The following LTBP3 variants were observed in gnomAD, a reference collection of about 807,000 sequenced individuals.
LTBP3 encodes the protein latent transforming growth factor beta binding protein 3, also known as latent-transforming growth factor beta-binding protein 3.
In LTBP3, 97 loss-of-function variants were observed where a neutral mutation model predicts 159.7. That is an observed-to-expected ratio of 0.61 (90% confidence interval 0.52 to 0.72). LTBP3 has a LOEUF of 0.72. Among genes scored for constraint, LTBP3 ranks in the 30% least tolerant of loss-of-function variants. The probability of loss-of-function intolerance (pLI) is 0.00; values close to 1 mark genes in which losing one functional copy is unlikely to be tolerated. For synonymous variants in LTBP3, 824 were observed against 777.1 expected (o/e 1.06, Z -1.00); for missense variants, 1,584 against 1,864.3 (o/e 0.85, Z 2.77).
chr11:65,558,239 G>C lies in LTBP3; in HGVS notation c.-280C>G. The C allele has an allele frequency of 9.6e-7, 1 of 1,041,694 alleles. No homozygotes were observed. Among genetic ancestry groups the C allele is most frequent in the Non-Finnish European group, 1.2e-6 (1 of 863,088 alleles). 64.5% of individuals were successfully genotyped at this position (1,041,694 alleles called of 1,614,324 possible). On this transcript the variant is annotated 5_prime_UTR_variant, in exon 1 of 28. Transcript: ENST00000301873. Reference sequence around the variant, plus strand: ...GGAGGCCGGAGCAAGTTGAGGCGGAGAGGAGGAGCGAGGGAGAGGAAGGCC... The same window carrying C: ...GGAGGCCGGAGCAAGTTGAGGCGGACAGGAGGAGCGAGGGAGAGGAAGGCC...
In LTBP3 at chr11:65,552,663, T is replaced by C. The variant is rs537563379; in HGVS notation, c.1186+197A>G. 6.6e-6 allele frequency among the ~76,000 whole-genome samples: 1 copy of C among 152,268 alleles called. No individual in the cohort carries two copies. Among genetic ancestry groups the C allele is most frequent in the East Asian group, 1.9e-4 (1 of 5,186 alleles). ...TATGTTCTGCATGACTCTGACTCTATGTAATCCCTGACCCCATGTGACTGC... is the reference window on the plus strand; with the variant it reads ...TATGTTCTGCATGACTCTGACTCTACGTAATCCCTGACCCCATGTGACTGC... On this transcript the variant is annotated intron_variant, in intron 6 of 27. Coordinates refer to ENST00000301873, the MANE Select transcript of LTBP3 (RefSeq NM_001130144.3). This position sits in a 1 kb window ranked among gnomAD's most constrained non-coding sequence, Gnocchi z 6.0.
Position 65,547,582 on chromosome 11 carries a change from G to A in LTBP3, c.1979-15C>T, listed in dbSNP as rs762347594. 2 of 1,613,282 alleles carry A rather than the reference G, an allele frequency of 1.2e-6. No individual in the cohort carries two copies. The highest frequency in any genetic ancestry group is 1.3e-5 in the African/African-American group (1 of 74,934). ...TTCGTTCAGGTCTGTGCGGGAGGAA[G>A]GGGCCACGAAGGGGGTGTAGGAGGC... On this transcript the variant is annotated splice_polypyrimidine_tract_variant and intron_variant, in intron 13 of 27. Coordinates refer to ENST00000301873, the MANE Select transcript of LTBP3 (RefSeq NM_001130144.3). The surrounding 1 kb of genome is among the most constrained non-coding windows in gnomAD (Gnocchi z 4.6).
chr11:65,546,671 C>T lies in LTBP3; in HGVS notation c.2231-107G>A. The T allele has an allele frequency of 6.4e-7, 1 of 1,555,354 alleles. No individual in the cohort carries two copies. Among genetic ancestry groups the T allele is most frequent in the Non-Finnish European group, 8.7e-7 (1 of 1,155,578 alleles). ...TGGAACGCGGGGTTGAGAGGGCAGC[C>T]TCTACTCCCGGAAGGCCCCGCCCCC... On this transcript the variant is annotated intron_variant, in intron 15 of 27. Coordinates refer to ENST00000301873, the MANE Select transcript of LTBP3 (RefSeq NM_001130144.3). The surrounding 1 kb of genome is among the most constrained non-coding windows in gnomAD (Gnocchi z 4.0).
At position 65,539,879 on chromosome 11, in the gene LTBP3, G is replaced by A; in HGVS notation, c.3388C>T (p.Arg1130Cys). The change falls in exon 25 of 28, where the codon CGT becomes TGT. Residue 1130 changes from arginine (R) to cysteine (C), a missense_variant and splice_region_variant. Arg to Cys is a radical substitution (Grantham distance 180). Around this residue, in one of 6 missense-constraint regions of LTBP3, gnomAD observed 514 missense variants for 530.3 expected, o/e 0.97. Transcript: ENST00000301873. ...DCQLPESPAE[R>C]APERRDVCWS... ...CACACGTCGCGCCGCTCCGGGGCAC[G>A]CTCTGCGGAAGACACCTGGCATCAG... 2.0e-6 allele frequency: 3 copies of A among 1,512,292 alleles called. No individual in the cohort carries two copies. The highest frequency in any genetic ancestry group is 2.1e-5 in the Admixed American group (1 of 48,000). 93.7% of individuals were successfully genotyped at this position (1,512,292 alleles called of 1,614,324 possible). A position where few individuals can be genotyped will look rare whatever the true frequency, so the allele number is the denominator to read the frequency against.
At position 65,540,400 on chromosome 11, in the gene LTBP3, G is replaced by A. The variant is rs1304258715; in HGVS notation, c.3107-18C>T. The stretch of plus-strand genomic sequence containing the variant: ...GTCCACGTCTGCAGGGAGGAAAAGC[G>A]TGGGTAGCAGGGGCAGGCCCGGGAT... On this transcript the variant is annotated intron_variant, in intron 22 of 27. Coordinates refer to ENST00000301873, the MANE Select transcript of LTBP3 (RefSeq NM_001130144.3). The A allele has an allele frequency of 1.2e-6, 2 of 1,604,556 alleles. No homozygotes were observed. Among genetic ancestry groups the A allele is most frequent in the East Asian group, 2.2e-5 (1 of 44,536 alleles).
At position 65,557,909 on chromosome 11, in the gene LTBP3, C is replaced by T. The variant is rs1856868087; in HGVS notation, c.51G>A (p.Gly17=). ...GCGCCAGCAGCCCCGCCGCCCCCGC[C>T]CCGCGCATCTCAGGGGCCAGGCCGC... ...AAGGLAPEMR[G]AGAAGLLALL... The change falls in exon 1 of 28, where the codon GGG becomes GGA. Residue 17 remains glycine (G), a synonymous_variant. Coordinates refer to ENST00000301873, the MANE Select transcript of LTBP3 (RefSeq NM_001130144.3). The T allele has an allele frequency of 3.2e-6, 4 of 1,268,426 alleles. No homozygotes were observed. The highest frequency in any genetic ancestry group is 5.8e-5 in the Admixed American group (2 of 34,696). The allele number at this position is 1,268,426 out of a possible 1,614,324, so 78.6% of individuals were successfully genotyped here. A position where few individuals can be genotyped will look rare whatever the true frequency, so the allele number is the denominator to read the frequency against.
Position 65,552,946 on chromosome 11 carries a change from T to C in LTBP3, c.1100A>G (p.His367Arg), listed in dbSNP as rs142692132. 60 of 1,614,202 alleles carry C rather than the reference T, an allele frequency of 3.7e-5. No individual in the cohort carries two copies. The African/African-American group carries it at 5.5e-4, about 15-fold the overall frequency. Residue 367 changes from histidine to arginine, a missense_variant, in exon 6 of 28, where the codon CAT becomes CGT. Around this residue, in one of 6 missense-constraint regions of LTBP3, gnomAD observed 156 missense variants for 259.7 expected, o/e 0.60. Coordinates refer to ENST00000301873, the MANE Select transcript of LTBP3 (RefSeq NM_001130144.3). The surrounding 1 kb of genome is among the most constrained non-coding windows in gnomAD (Gnocchi z 6.0). ...NECAMPGVCR[H>R]GDCLNNPGSY... ...GCCAGGGTTGTTGAGGCAGTCACCATGGCGACACACGCCCGGCATTGCGCA... is the reference window on the plus strand; with the variant it reads ...GCCAGGGTTGTTGAGGCAGTCACCACGGCGACACACGCCCGGCATTGCGCA...
chr11:65,547,861 G>C lies in LTBP3; in HGVS notation c.1847-40C>G, dbSNP rs372515652. 2 of 1,613,034 alleles carry C rather than the reference G, an allele frequency of 1.2e-6. No homozygotes were observed. The highest frequency in any genetic ancestry group is 1.7e-6 in the Non-Finnish European group (2 of 1,179,942). On this transcript the variant is annotated intron_variant, in intron 12 of 27. Coordinates refer to ENST00000301873, the MANE Select transcript of LTBP3 (RefSeq NM_001130144.3). The surrounding 1 kb of genome is among the most constrained non-coding windows in gnomAD (Gnocchi z 4.6). ...TAGGCCAAGAAAAGTCAAAGGAAGC[G>C]TCGTTATCTGGGGTCCCCCCCCACC...
chr11:65,545,810 A>C (rs1180071410), intron 16 of LTBP3: 1 of 189,128 alleles, frequency 5.3e-6, no homozygotes, highest in African/African-American at 2.3e-5. Flanking sequence ...GGCAGGACTT[A>C]GGGGGCCCTC....
Position 65,546,588 on chromosome 11 carries a change from G to T in LTBP3, c.2231-24C>A, listed in dbSNP as rs1255024186. On this transcript the variant is annotated intron_variant, in intron 15 of 27. Coordinates refer to ENST00000301873, the MANE Select transcript of LTBP3 (RefSeq NM_001130144.3). This position sits in a 1 kb window ranked among gnomAD's most constrained non-coding sequence, Gnocchi z 4.0. ...GTCTGCGGCGGAAAGACCTAGCCTCGGACTCTGCCCCACCGGAAGGCGGAC... is the reference window on the plus strand; with the variant it reads ...GTCTGCGGCGGAAAGACCTAGCCTCTGACTCTGCCCCACCGGAAGGCGGAC... The T allele has an allele frequency of 1.9e-6, 3 of 1,600,172 alleles. No individual in the cohort carries two copies. In the South Asian group the frequency reaches 3.3e-5, roughly 18 times the overall value.
At position 65,557,878 on chromosome 11, in the gene LTBP3, G is replaced by T; in HGVS notation, c.82C>A (p.Leu28Met). The T allele has an allele frequency of 7.6e-7, 1 of 1,318,580 alleles. No homozygotes were observed. Among genetic ancestry groups the T allele is most frequent in the South Asian group, 1.9e-5 (1 of 52,070 alleles). 81.7% of individuals were successfully genotyped at this position (1,318,580 alleles called of 1,614,324 possible). A position where few individuals can be genotyped will look rare whatever the true frequency, so the allele number is the denominator to read the frequency against. Residue 28 changes from leucine to methionine, a missense_variant, in exon 1 of 28, where the codon CTG becomes ATG. Leu to Met is a conservative substitution (Grantham distance 15). Coordinates refer to ENST00000301873, the MANE Select transcript of LTBP3 (RefSeq NM_001130144.3). Reference protein sequence around the residue: ...AGAAGLLALLLLLLLLLLGLG... With the variant: ...AGAAGLLALLMLLLLLLLGLG... ...CCCAGCAGCAGCAGCAGCAGCAGCA[G>T]CAGCAGCGCCAGCAGCCCCGCCGCC...
chr11:65,540,675 G>T, intron 21 of LTBP3, 61 bp from the exon 22 acceptor site: 1 of 1,465,778 alleles, frequency 6.8e-7, no homozygotes. Flanking sequence ...GGCGTGGGCT[G>T]GGCGCACCAC....
chr11:65,552,300 A>G lies in LTBP3; in HGVS notation c.1293T>C (p.Ser431=), dbSNP rs1444748633. Residue 431 remains serine, a synonymous_variant, in exon 7 of 28, where the codon AGT becomes AGC. Coordinates refer to ENST00000301873, the MANE Select transcript of LTBP3 (RefSeq NM_001130144.3). This position sits in a 1 kb window ranked among gnomAD's most constrained non-coding sequence, Gnocchi z 6.0. ...TRLTRQLCCC[S]VGKAWGARCQ... is the part of the protein sequence containing the mutation. ...ACCGCGCGCCCCAGGCCTTGCCGAC[A>G]CTGCAGCAGCAGAGCTGGCGGGTCA... 1 of 1,614,098 alleles carries G rather than the reference A, an allele frequency of 6.2e-7. No individual in the cohort carries two copies. Among genetic ancestry groups the G allele is most frequent in the Admixed American group, 1.7e-5 (1 of 60,028 alleles).
rs752293320 is a variant in LTBP3 at position 65,543,526 on chromosome 11, C to A, written c.2377G>T (p.Asp793Tyr). The stretch of plus-strand genomic sequence containing the variant: ...CTGCAGATGCCATTGTCACACACGT[C>A]CCCAGCCTCACACTCGTCCACATCT... ...CLDVDECEAG[D>Y]VCDNGICSNT... Residue 793 changes from aspartate (D) to tyrosine (Y), a missense_variant, in exon 17 of 28, where the codon GAC (aspartate) becomes TAC (tyrosine). This residue lies in a region of LTBP3 where 565 missense variants were observed against 677.7 expected (regional missense o/e 0.83). Coordinates refer to ENST00000301873, the MANE Select transcript of LTBP3 (RefSeq NM_001130144.3). 1.2e-6 allele frequency: 2 copies of A among 1,614,082 alleles called. No homozygotes were observed. The highest frequency in any genetic ancestry group is 1.7e-6 in the Non-Finnish European group (2 of 1,179,968).
At position 65,551,233 on chromosome 11, in the gene LTBP3, G is replaced by C. The variant is rs370528185; in HGVS notation, c.1622-9C>G. 6.5e-7 allele frequency: 1 copy of C among 1,544,212 alleles called. No individual in the cohort carries two copies. The highest frequency in any genetic ancestry group is 1.4e-5 in the African/African-American group (1 of 73,184). On this transcript the variant is annotated splice_polypyrimidine_tract_variant and intron_variant, in intron 10 of 27. Transcript: ENST00000301873. ...GGGACGGGAGATCAGCTCTGCGGGC[G>C]GCAGTGCACTCTGGTCAGAGACGAT... is the stretch of plus-strand genomic sequence containing the variant.
In LTBP3 at chr11:65,543,058, C is replaced by T. The variant is rs112733225; in HGVS notation, c.2596+47G>A. The T allele has an allele frequency of 1.2e-3, 1,869 of 1,610,982 alleles. 26 individuals are homozygous for T. In the African/African-American group the frequency reaches 0.022, roughly 19 times the overall value. Reference sequence around the variant, plus strand: ...AGGCCACAGTGTGTCTAGGGAATTACTGCTCCCTGCCACATCCCTCAGGAA... The same window carrying T: ...AGGCCACAGTGTGTCTAGGGAATTATTGCTCCCTGCCACATCCCTCAGGAA... On this transcript the variant is annotated intron_variant, in intron 18 of 27. Coordinates refer to ENST00000301873, the MANE Select transcript of LTBP3 (RefSeq NM_001130144.3).
intron 25 of LTBP3, 45 bp downstream of exon 25, chr11:65,539,674 TG>T (rs1565086954): frequency 1.3e-6 from 2 of 1,583,814 alleles, no homozygotes; most frequent in Non-Finnish European, 1.7e-6. Context: ...CCCCGGGCCC[TG>T]GCCCCCATCC....
rs1289184522 is a variant in LTBP3, at chr11:65,539,253, G to A, written c.3761-22C>T. ...ATATCTGAAGGTGAGGGCGACAGGT[G>A]CGGCTTCGCTGAGCCTCCAGGCGGC... is the stretch of plus-strand genomic sequence containing the variant. On this transcript the variant is annotated intron_variant, in intron 27 of 27. Transcript: ENST00000301873. The A allele has an allele frequency of 3.9e-6, 6 of 1,522,398 alleles. No individual in the cohort carries two copies. In the African/African-American group the frequency reaches 5.6e-5, roughly 14 times the overall value. 94.3% of individuals were successfully genotyped at this position (1,522,398 alleles called of 1,614,324 possible).
rs1429025484 is a variant in LTBP3, at chr11:65,538,773, C to T, written c.*307G>A. On this transcript the variant is annotated 3_prime_UTR_variant, in exon 28 of 28. Coordinates refer to ENST00000301873, the MANE Select transcript of LTBP3 (RefSeq NM_001130144.3). ...GTCTGGCGCCGCCCTGCGCAGCCCG[C>T]GCCCACGTCAGACGTGAACATCAAT... is the stretch of plus-strand genomic sequence containing the variant. 2.3e-6 allele frequency: 2 copies of T among 853,836 alleles called. No homozygotes were observed. The highest frequency in any genetic ancestry group is 3.5e-6 in the Non-Finnish European group (2 of 576,322). 52.9% of individuals were successfully genotyped at this position (853,836 alleles called of 1,614,324 possible). A position where few individuals can be genotyped will look rare whatever the true frequency, so the allele number is the denominator to read the frequency against.
Sources: gnomAD v4.1 joint callset for allele counts (sites outside exome capture counted in the v4.1 genomes callset) on GRCh38, gnomAD v4.1.1 for gene constraint, gnomAD v4.1.1 regional missense constraint, Gnocchi (gnomAD v3.1) non-coding constraint, MANE v1.5 for transcripts, NCBI Gene and HGNC (gene_info 2026-07-23, HGNC 2026-07-21) for gene names.